OPCML: variants seen among roughly 807,000 people sequenced by gnomAD.
The protein encoded by OPCML is opioid binding protein/cell adhesion molecule like.
OPCML carries 13 observed loss-of-function variants against 37.8 expected under a neutral mutation model. That is an observed-to-expected ratio of 0.34 (90% CI 0.22 to 0.55). OPCML has a LOEUF of 0.55. OPCML is among the 20% of genes least tolerant of loss of function. The probability of loss-of-function intolerance (pLI) is 0.91; values close to 1 mark genes in which losing one functional copy is unlikely to be tolerated. For synonymous variants in OPCML, 176 were observed against 168.8 expected, an observed-to-expected ratio of 1.04 and a Z score of -0.33; for missense variants, 341 against 435.6, an observed-to-expected ratio of 0.78 and a Z score of 1.93.
chr11:132,677,899 C>T (rs149820232), intron 2 of OPCML, among the ~76,000 whole-genome samples: 170 of 152,150 alleles, frequency 1.1e-3, no homozygotes, highest in African/African-American at 2.1e-3. Flanking sequence ...AGAATTGATA[C>T]GCTGGATTTC....
At position 133,126,258 on chromosome 11, in the gene OPCML, G is replaced by A. The variant is rs931879358; in HGVS notation, c.62-183248C>T. On this transcript the variant is annotated intron_variant, in intron 1 of 7. Transcript: ENST00000524381. ...TTAAGGTTCCAGGTCTGGAGAAGGC[G>A]ATGTCTCAGCTCAAACAGAAGCACA... Among the ~76,000 whole-genome samples, 8 of 152,010 alleles carry A rather than the reference G, an allele frequency of 5.3e-5. No individual in the cohort carries two copies. The East Asian group carries it at 9.7e-4, about 18-fold the overall frequency.
intron 1 of OPCML, among the ~76,000 whole-genome samples, chr11:133,345,126 A>T (rs1943967310): frequency 6.6e-6 from 1 of 152,174 alleles, no homozygotes; most frequent in Admixed American, 6.5e-5. Flanking sequence ...TAACACTCTC[A>T]TTCCTGGAAA....
In OPCML at chr11:132,473,154, C is replaced by A. The variant is rs147766081; in HGVS notation, c.506-35795G>T. ...GACAAGGGGTGCCAAACAGCAAATG[C>A]CAAGTGAATGACCTTTGGCAAAGCC... On this transcript the variant is annotated intron_variant, in intron 4 of 7. Coordinates refer to ENST00000524381, the MANE Select transcript of OPCML (RefSeq NM_001012393.5). Among the ~76,000 whole-genome samples the A allele has an allele frequency of 3.2e-4, 48 of 152,318 alleles. 1 individual carries two copies. The highest frequency in any genetic ancestry group is 6.8e-3 in the Middle Eastern group (2 of 294).
chr11:132,780,396 T>C (rs1011931456), intron 2 of OPCML, among the ~76,000 whole-genome samples: 1 of 152,226 alleles, frequency 6.6e-6, no homozygotes, highest in African/African-American at 2.4e-5. Context: ...CTTCTCACCT[T>C]AGCATATTAA....
intron 2 of OPCML, among the ~76,000 whole-genome samples, chr11:132,873,440 G>A (rs971423168): frequency 4.6e-5 from 7 of 152,212 alleles, no homozygotes; most frequent in East Asian, 1.9e-4. Context: ...CCCTTACTGC[G>A]CCCTTTCCCT....
intron 1 of OPCML, among the ~76,000 whole-genome samples, chr11:133,444,501 G>C (rs1468556315): frequency 2.6e-5 from 4 of 152,104 alleles, no homozygotes; most frequent in Admixed American, 6.6e-5. Flanking sequence ...GTTAGAAGAA[G>C]ATTGCTAAAT....
chr11:132,436,599 C>T (rs1441031728), intron 6 of OPCML, 60 bp downstream of exon 6: 1 of 1,598,640 alleles, frequency 6.3e-7, no homozygotes, highest in Non-Finnish European at 8.6e-7. Flanking sequence ...ATCCTTCTCC[C>T]ATGTGGGGAT....
At chr11:132,718,580 AG>A (rs1374159630) in intron 2 of OPCML, among the ~76,000 whole-genome samples, 1 of 152,146 alleles carries the variant, frequency 6.6e-6, no homozygotes, top group African/African-American at 2.4e-5. Flanking sequence ...GTCCCTGCAC[AG>A]CTCCTGCACA....
At chr11:133,240,483 C>T (rs1940688714) in intron 1 of OPCML, among the ~76,000 whole-genome samples, 1 of 152,176 alleles carries the variant, frequency 6.6e-6, no homozygotes, top group Non-Finnish European at 1.5e-5. Flanking sequence ...TCATCTGGCT[C>T]ACCTGGTCTT....
chr11:132,887,145 G>C (rs1943453509), intron 2 of OPCML, among the ~76,000 whole-genome samples: 1 of 152,112 alleles, frequency 6.6e-6, no homozygotes, highest in Non-Finnish European at 1.5e-5. Context: ...GGTCTCGTAG[G>C]ACCATAATAC....
intron 3 of OPCML, among the ~76,000 whole-genome samples, chr11:132,555,236 T>G (rs914353218): frequency 1.3e-5 from 2 of 152,056 alleles, no homozygotes; most frequent in Admixed American, 6.6e-5. Flanking sequence ...GACTGGGTGA[T>G]TTATAAAGAA....
intron 2 of OPCML, among the ~76,000 whole-genome samples, chr11:132,923,620 C>T (rs911348543): frequency 8.6e-5 from 13 of 152,026 alleles, no homozygotes; most frequent in African/African-American, 2.7e-4. Flanking sequence ...GTTATGGTCA[C>T]AAATATATAC....
intron 1 of OPCML, among the ~76,000 whole-genome samples, chr11:133,085,481 G>A (rs1186994440): frequency 1.3e-5 from 2 of 152,184 alleles, no homozygotes; most frequent in African/African-American, 4.8e-5. Flanking sequence ...TTGGTACCCA[G>A]CACATAGAGC....
intron 1 of OPCML, among the ~76,000 whole-genome samples, chr11:133,125,064 T>C (rs1372375911): frequency 6.6e-6 from 1 of 152,154 alleles, no homozygotes; most frequent in Admixed American, 6.5e-5. Flanking sequence ...GGCAACCGTT[T>C]GGAATGGCGA....
At chr11:133,301,615 A>G (rs763910669) in intron 1 of OPCML, 2 of 152,190 alleles carry the variant, frequency 1.3e-5, no homozygotes, top group South Asian at 4.1e-4. Context: ...CAGAAGAAAT[A>G]TCTATGTAAA....
At chr11:133,496,378 T>C (rs1306420326) in intron 1 of OPCML, among the ~76,000 whole-genome samples, 1 of 152,234 alleles carries the variant, frequency 6.6e-6, no homozygotes, top group African/African-American at 2.4e-5. Context: ...GCTTTGGCTA[T>C]GCAGGTTATT....
intron 2 of OPCML, among the ~76,000 whole-genome samples, chr11:132,663,965 T>TG (rs1430372605): frequency 6.6e-5 from 10 of 152,312 alleles, no homozygotes; most frequent in Non-Finnish European, 1.3e-4. Flanking sequence ...CTGGAGTAGC[T>TG]GGGATTACAG....
chr11:133,155,402 G>A (rs959680180), intron 1 of OPCML, among the ~76,000 whole-genome samples: 6 of 152,096 alleles, frequency 3.9e-5, no homozygotes, highest in South Asian at 2.1e-4. Flanking sequence ...TTCACCACCC[G>A]TCTCCTTCTT....
intron 4 of OPCML, among the ~76,000 whole-genome samples, chr11:132,452,052 T>C (rs986782697): frequency 6.6e-6 from 1 of 151,744 alleles, no homozygotes; most frequent in African/African-American, 2.4e-5. Flanking sequence ...GGCTATTGGA[T>C]AACTGATTTG....
Sources: allele counts gnomAD v4.1 joint callset (sites outside exome capture counted in the v4.1 genomes callset), GRCh38; gene constraint gnomAD v4.1.1; transcripts MANE v1.5; gene names NCBI Gene and HGNC (gene_info 2026-07-23, HGNC 2026-07-21).